The following SVOP variants were observed in gnomAD, a reference collection of about 807,000 sequenced individuals.
SVOP encodes synaptic vesicle 2-related protein.
Under a neutral mutation model 69.1 loss-of-function variants are expected in SVOP, and 17 were observed. The ratio of observed to expected loss-of-function variants is 0.25; its 90% CI spans 0.17 to 0.37. SVOP has a LOEUF of 0.37. Among genes scored for constraint, SVOP ranks in the 10% least tolerant of loss-of-function variants. SVOP has a pLI of 1.00. For synonymous variants in SVOP, 238 were observed against 238.6 expected, an observed-to-expected ratio of 1.00 and a Z score of 0.02; for missense variants, 435 against 597.5, an observed-to-expected ratio of 0.73 and a Z score of 2.84.
intron 7 of SVOP, among the ~76,000 whole-genome samples, chr12:108,944,427 G>A (rs1317016546): frequency 4.6e-5 from 7 of 152,166 alleles, no homozygotes; most frequent in Admixed American, 2.0e-4. Flanking sequence ...GGATCAATGC[G>A]ATTAACATTG....
rs1305257712 is a variant in SVOP, at chr12:108,999,143, A to G, written c.36-15382T>C. 1.2e-4 allele frequency among the ~76,000 whole-genome samples: 14 copies of G among 120,894 alleles called. No homozygotes were observed. In the Admixed American group the frequency reaches 1.2e-3, roughly 11 times the overall value. The allele number at this position is 120,894 out of a possible 152,430, so 79.3% of individuals were successfully genotyped here. On this transcript the variant is annotated intron_variant, in intron 1 of 15. Transcript: ENST00000610966. ...TCTACCAAGCAAATGGAAAACAAAA[A>G]AAGGCAGGGGTTGCAATCCTAGTCT...
intron 6 of SVOP, among the ~76,000 whole-genome samples, chr12:108,956,621 G>A (rs1332663231): frequency 2.0e-5 from 3 of 152,132 alleles, no homozygotes; most frequent in East Asian, 3.9e-4. Flanking sequence ...TGACCGAATC[G>A]GCACCTATTC....
intron 4 of SVOP, among the ~76,000 whole-genome samples, chr12:108,975,629 T>C (rs1239899789): frequency 6.6e-6 from 1 of 152,156 alleles, no homozygotes; most frequent in Non-Finnish European, 1.5e-5. Context: ...CTCAGTAAAT[T>C]ATGGTTGTTA....
chr12:108,927,055 AGGTTGGG>A (rs1162048045), intron 11 of SVOP, among the ~76,000 whole-genome samples: 1 of 152,194 alleles, frequency 6.6e-6, no homozygotes, highest in African/African-American at 2.4e-5. Flanking sequence ...CTAGTATAAA[AGGTTGGG>A]GTTCCCTAAG....
intron 5 of SVOP, 103 bp downstream of exon 5, chr12:108,972,302 A>G: frequency 9.1e-7 from 1 of 1,096,282 alleles, no homozygotes; most frequent in African/African-American, 1.5e-5. Flanking sequence ...CATCATCCTT[A>G]TTAGGCCTCC....
At position 108,923,122 on chromosome 12, in the gene SVOP, G is replaced by A. The variant is rs542418124; in HGVS notation, c.1049-325C>T. Among the ~76,000 whole-genome samples the A allele has an allele frequency of 2.6e-5, 4 of 152,308 alleles. No individual in the cohort carries two copies. In the South Asian group the frequency reaches 8.3e-4, roughly 32 times the overall value. ...ACTTTAGTGGCAGACAGACTCTAGGGTGGCCCCCATGATCCCCACTTCCTG... is the reference window on the plus strand; with the variant it reads ...ACTTTAGTGGCAGACAGACTCTAGGATGGCCCCCATGATCCCCACTTCCTG... On this transcript the variant is annotated intron_variant, in intron 11 of 15. Transcript: ENST00000610966.
At chr12:108,962,341 C>A (rs369352588) in intron 5 of SVOP, among the ~76,000 whole-genome samples, 8 of 152,124 alleles carry the variant, frequency 5.3e-5, no homozygotes, top group East Asian at 3.9e-4. Flanking sequence ...TCAAGTGATC[C>A]ACCCACCTCA....
intron 6 of SVOP, among the ~76,000 whole-genome samples, chr12:108,946,263 A>T (rs1593186458): frequency 6.9e-6 from 1 of 145,268 alleles, no homozygotes; most frequent in African/African-American, 2.5e-5. Flanking sequence ...CGCCTGGCCA[A>T]TTTTTTTTTT....
At chr12:108,921,352 T>A (rs1438796632) in intron 12 of SVOP, among the ~76,000 whole-genome samples, 2 of 152,132 alleles carry the variant, frequency 1.3e-5, no homozygotes, top group African/African-American at 4.8e-5. Flanking sequence ...GTACTCAGTA[T>A]CATAGTTGGG....
At chr12:108,929,840 T>C (rs2039804525) in intron 11 of SVOP, among the ~76,000 whole-genome samples, 1 of 152,224 alleles carries the variant, frequency 6.6e-6, no homozygotes, top group Admixed American at 6.5e-5. Context: ...TCTGGCTTTT[T>C]TGGACACTGA....
chr12:108,991,350 A>G (rs965473394), intron 1 of SVOP, among the ~76,000 whole-genome samples: 16 of 152,136 alleles, frequency 1.1e-4, no homozygotes, highest in African/African-American at 3.6e-4. Context: ...CTCTAATCCC[A>G]GCACTTTAGG....
intron 5 of SVOP, among the ~76,000 whole-genome samples, chr12:108,961,300 C>T (rs568049522): frequency 2.6e-5 from 4 of 152,132 alleles, no homozygotes; most frequent in African/African-American, 9.7e-5. Context: ...TTCCACAATA[C>T]AGGAGACAAA....
intron 5 of SVOP, among the ~76,000 whole-genome samples, chr12:108,961,558 C>T (rs1255419013): frequency 3.9e-5 from 6 of 151,910 alleles, no homozygotes; most frequent in African/African-American, 1.5e-4. Context: ...TTCAGAAAAC[C>T]ATGCTGTCAA....
At chr12:109,008,942 T>A (rs2040324944) in intron 1 of SVOP, among the ~76,000 whole-genome samples, 1 of 149,008 alleles carries the variant, frequency 6.7e-6, no homozygotes. Context: ...TCTTTGTAAC[T>A]TTTTTTTTCT....
chr12:108,966,614 G>A (rs910601386), intron 5 of SVOP, among the ~76,000 whole-genome samples: 5 of 152,098 alleles, frequency 3.3e-5, no homozygotes, highest in Admixed American at 6.5e-5. Flanking sequence ...TCCTTCCTGA[G>A]GTTGGGCCAG....
intron 5 of SVOP, among the ~76,000 whole-genome samples, chr12:108,969,525 C>T (rs1055319665): frequency 1.3e-5 from 2 of 151,944 alleles, no homozygotes; most frequent in African/African-American, 2.4e-5. Context: ...TGGGGTTTCA[C>T]CATGTTGGTC....
intron 6 of SVOP, among the ~76,000 whole-genome samples, chr12:108,957,980 G>A (rs1486914165): frequency 6.6e-6 from 1 of 152,236 alleles, no homozygotes; most frequent in East Asian, 1.9e-4. Flanking sequence ...TAGGCGGGGT[G>A]AGCTGATTAC....
At chr12:109,019,101 A>C (rs904654223) in intron 1 of SVOP, among the ~76,000 whole-genome samples, 1 of 152,222 alleles carries the variant, frequency 6.6e-6, no homozygotes, top group Admixed American at 6.5e-5. Flanking sequence ...CCTATTAAGC[A>C]CCAGAAAGAA....
At chr12:109,001,601 C>T (rs1373221771) in intron 1 of SVOP, among the ~76,000 whole-genome samples, 1 of 140,650 alleles carries the variant, frequency 7.1e-6, no homozygotes, top group Non-Finnish European at 1.5e-5. Context: ...GTACTGGTAC[C>T]AAAACAGAGA....
Sources: allele counts gnomAD v4.1 joint callset (sites outside exome capture counted in the v4.1 genomes callset), GRCh38; gene constraint gnomAD v4.1.1; transcripts MANE v1.5; gene names NCBI Gene and HGNC (gene_info 2026-07-23, HGNC 2026-07-21).